ARHGAP31: variants seen among roughly 807,000 people sequenced by gnomAD.
The protein encoded by ARHGAP31 is Rho GTPase activating protein 31.
ARHGAP31 carries 34 observed loss-of-function variants against 113.9 expected under a neutral mutation model. That is an observed-to-expected ratio of 0.30 (90% CI 0.23 to 0.40). The LOEUF (loss-of-function observed/expected upper bound fraction) is 0.40. ARHGAP31 is among the 10% of genes least tolerant of loss of function. ARHGAP31 has a pLI of 1.00. For synonymous variants in ARHGAP31, 650 were observed against 684.8 expected, an observed-to-expected ratio of 0.95 and a Z score of 0.79; for missense variants, 1,548 against 1,767.1, an observed-to-expected ratio of 0.88 and a Z score of 2.22.
chr3:119,310,418 G>T (rs2079669496), intron 1 of ARHGAP31, among the ~76,000 whole-genome samples: 1 of 152,128 alleles, frequency 6.6e-6, no homozygotes, highest in African/African-American at 2.4e-5. Flanking sequence ...GTGCAGACTG[G>T]GGGTCCCCAA....
At chr3:119,391,094 CT>C in intron 7 of ARHGAP31, 111 bp downstream of exon 7, 1 of 1,236,236 alleles carries the variant, frequency 8.1e-7, no homozygotes, top group African/African-American at 1.5e-5. Context: ...GAGGTACCGT[CT>C]GGGTTGGGGT....
At chr3:119,364,506 G>A (rs1029913628) in intron 1 of ARHGAP31, among the ~76,000 whole-genome samples, 1 of 152,158 alleles carries the variant, frequency 6.6e-6, no homozygotes, top group Non-Finnish European at 1.5e-5. Context: ...GTGCCTTGAT[G>A]TCCTCATGTT....
At chr3:119,369,318 T>C (rs986402433) in intron 3 of ARHGAP31, among the ~76,000 whole-genome samples, 1 of 152,100 alleles carries the variant, frequency 6.6e-6, no homozygotes. Context: ...GCTGGGGGCA[T>C]TGAAACAATT....
chr3:119,412,410 G>GA (rs777137385), intron 11 of ARHGAP31, among the ~76,000 whole-genome samples: 4,935 of 113,182 alleles, frequency 0.044, 124 homozygotes, highest in Admixed American at 0.077. Flanking sequence ...AAAAAGAAAA[G>GA]AAAGAAAGAA....
At chr3:119,330,696 T>C (rs2079884738) in intron 1 of ARHGAP31, among the ~76,000 whole-genome samples, 1 of 152,228 alleles carries the variant, frequency 6.6e-6, no homozygotes, top group African/African-American at 2.4e-5. Context: ...TCCAAGTGAC[T>C]GTCAGCTAGA....
rs2080407440 is a variant in ARHGAP31, at chr3:119,382,290, A to G, written c.432-2A>G. 6.2e-7 allele frequency: 1 copy of G among 1,614,022 alleles called. No individual in the cohort carries two copies. The highest frequency in any genetic ancestry group is 8.5e-7 in the Non-Finnish European group (1 of 1,179,872). ...ACTTTGTCAAAAAACAAACCATTCT[A>G]GGACCTTGGAATACCTGATTCGACA... On this transcript the variant is annotated splice_acceptor_variant, in intron 4 of 11. Coordinates refer to ENST00000264245, the MANE Select transcript of ARHGAP31 (RefSeq NM_020754.4). LOFTEE classifies it high-confidence loss of function.
intron 1 of ARHGAP31, chr3:119,325,044 A>G (rs2079829509): frequency 2.2e-6 from 1 of 451,626 alleles, no homozygotes; most frequent in Non-Finnish European, 4.5e-6. Flanking sequence ...TCATTGGTTA[A>G]TGTTTATTGA....
intron 1 of ARHGAP31, among the ~76,000 whole-genome samples, chr3:119,328,523 G>A (rs1164971340): frequency 6.6e-6 from 1 of 152,118 alleles, no homozygotes; most frequent in African/African-American, 2.4e-5. Context: ...GCTATACTGG[G>A]GAATTTCATT....
At chr3:119,348,966 G>T (rs1306747404) in intron 1 of ARHGAP31, among the ~76,000 whole-genome samples, 1 of 152,176 alleles carries the variant, frequency 6.6e-6, no homozygotes, top group African/African-American at 2.4e-5. Flanking sequence ...ATGAATGCTG[G>T]TTCCCCATAG....
intron 1 of ARHGAP31, among the ~76,000 whole-genome samples, chr3:119,359,329 A>T (rs1021337045): frequency 6.6e-6 from 1 of 152,098 alleles, no homozygotes; most frequent in Non-Finnish European, 1.5e-5. Context: ...CCTATATCTC[A>T]GGTTTAAAAA....
chr3:119,364,023 T>TG (rs1266245454), intron 1 of ARHGAP31, among the ~76,000 whole-genome samples: 1 of 152,178 alleles, frequency 6.6e-6, no homozygotes, highest in East Asian at 1.9e-4. Flanking sequence ...CTGCTCTCTC[T>TG]GTACCATCCA....
rs146170718 is a variant in ARHGAP31, at chr3:119,384,986, G to A, written c.682+1760G>A. On this transcript the variant is annotated intron_variant, in intron 6 of 11. Coordinates refer to ENST00000264245, the MANE Select transcript of ARHGAP31 (RefSeq NM_020754.4). ...GTTGCCCAGGCTGGAGTGCAGTGGC[G>A]TGATCTTGGCTCACTGCAACCTCTG... Among the ~76,000 whole-genome samples, 361 of 150,638 alleles carry A rather than the reference G, an allele frequency of 2.4e-3. 1 individual carries two copies. Among genetic ancestry groups the A allele is most frequent in the African/African-American group, 8.2e-3 (336 of 40,940 alleles).
chr3:119,395,691 C>T (rs1247646832), intron 8 of ARHGAP31, among the ~76,000 whole-genome samples: 3 of 152,192 alleles, frequency 2.0e-5, no homozygotes, highest in African/African-American at 4.8e-5. Context: ...AATGGTGTGC[C>T]TTGTGCTGAT....
intron 3 of ARHGAP31, among the ~76,000 whole-genome samples, chr3:119,376,346 G>A (rs113414474): frequency 0.022 from 3,338 of 152,054 alleles, 128 homozygotes; most frequent in African/African-American, 0.076. Flanking sequence ...AAAATTATTC[G>A]GGCATGGTAG....
intron 1 of ARHGAP31, among the ~76,000 whole-genome samples, chr3:119,358,736 G>A (rs936465076): frequency 3.9e-5 from 6 of 152,118 alleles, no homozygotes; most frequent in East Asian, 1.9e-4. Context: ...AAAGAAGTCC[G>A]TCACAAAGGC....
chr3:119,336,645 T>C (rs564607068), intron 1 of ARHGAP31, among the ~76,000 whole-genome samples: 104 of 152,288 alleles, frequency 6.8e-4, no homozygotes, highest in Non-Finnish European at 5.1e-4. Context: ...TTATTTTTAA[T>C]TTTATTGAGA....
chr3:119,328,512 C>CACT (rs2079864766), intron 1 of ARHGAP31, among the ~76,000 whole-genome samples: 1 of 152,144 alleles, frequency 6.6e-6, no homozygotes, highest in South Asian at 2.1e-4. Flanking sequence ...ACCTGTTAGC[C>CACT]GCTATACTGG....
chr3:119,370,785 T>C (rs1046401917), intron 3 of ARHGAP31, among the ~76,000 whole-genome samples: 7 of 152,196 alleles, frequency 4.6e-5, no homozygotes, highest in African/African-American at 1.7e-4. Context: ...CTCAAGACGT[T>C]CCTTTTATAA....
At chr3:119,376,534 C>T (rs1225993404) in intron 3 of ARHGAP31, among the ~76,000 whole-genome samples, 9 of 152,128 alleles carry the variant, frequency 5.9e-5, no homozygotes, top group Non-Finnish European at 1.0e-4. Context: ...CCCCGCTGTC[C>T]CCAAAGCCTT....
Sources: gnomAD v4.1 joint callset for allele counts (sites outside exome capture counted in the v4.1 genomes callset) on GRCh38, gnomAD v4.1.1 for gene constraint, MANE v1.5 for transcripts, NCBI Gene and HGNC (gene_info 2026-07-23, HGNC 2026-07-21) for gene names.